OTUD7A: variants seen among roughly 807,000 people sequenced by gnomAD.
OTUD7A encodes OTU deubiquitinase 7A.
A neutral mutation model predicts 65.7 loss-of-function variants in OTUD7A; 12 were observed. The observed-to-expected ratio is 0.18, with a 90% CI of 0.12 to 0.30. OTUD7A has a LOEUF of 0.30. OTUD7A is among the 10% of genes least tolerant of loss of function. OTUD7A has a pLI of 1.00. For missense variants in OTUD7A, 1,148 were observed against 1,304.8 expected (o/e 0.88, Z 1.85); for synonymous variants, 641 against 586.3 (o/e 1.09, Z -1.35).
At chr15:31,685,732 G>A (rs546002542) in intron 1 of OTUD7A, among the ~76,000 whole-genome samples, 42 of 152,362 alleles carry the variant, frequency 2.8e-4, no homozygotes, top group African/African-American at 9.9e-4. Context: ...TTACTGATGA[G>A]TTAAATAAAG....
chr15:31,570,486 C>T (rs1023146520), intron 3 of OTUD7A, among the ~76,000 whole-genome samples: 128 of 147,084 alleles, frequency 8.7e-4, no homozygotes, highest in African/African-American at 3.2e-3. Context: ...CACACACACA[C>T]ATCTAAACAC....
intron 1 of OTUD7A, among the ~76,000 whole-genome samples, chr15:31,677,940 C>G (rs1420408380): frequency 3.3e-5 from 5 of 152,204 alleles, no homozygotes; most frequent in Non-Finnish European, 5.9e-5. Context: ...CCTAGACTTG[C>G]TGAGTGGCTT....
intron 10 of OTUD7A, among the ~76,000 whole-genome samples, chr15:31,496,768 C>T (rs2041390655): frequency 6.6e-6 from 1 of 152,168 alleles, no homozygotes; most frequent in East Asian, 1.9e-4. Context: ...ACATCAAATA[C>T]AGATGGAAGG....
At chr15:31,754,083 A>G (rs1055983051) in intron 1 of OTUD7A, among the ~76,000 whole-genome samples, 2 of 151,972 alleles carry the variant, frequency 1.3e-5, no homozygotes, top group Non-Finnish European at 2.9e-5. Flanking sequence ...GTGGTATTGC[A>G]TTATGGTTTT....
At chr15:31,774,075 A>G (rs1895307285) in intron 1 of OTUD7A, among the ~76,000 whole-genome samples, 1 of 152,256 alleles carries the variant, frequency 6.6e-6, no homozygotes, top group Non-Finnish European at 1.5e-5. Context: ...CCACACAGCC[A>G]TGCACTATGA....
intron 3 of OTUD7A, among the ~76,000 whole-genome samples, chr15:31,646,093 C>G (rs1891653566): frequency 6.6e-6 from 1 of 152,190 alleles, no homozygotes; most frequent in African/African-American, 2.4e-5. Context: ...AACGACATGA[C>G]TCTGAATCTG....
chr15:31,786,143 CAAG>C (rs1895668359), intron 1 of OTUD7A, among the ~76,000 whole-genome samples: 1 of 152,126 alleles, frequency 6.6e-6, no homozygotes, highest in African/African-American at 2.4e-5. Flanking sequence ...TCCCCACCAG[CAAG>C]AAGGGCCTCA....
At chr15:31,766,389 G>A in intron 1 of OTUD7A, 3 of 1,585,308 alleles carry the variant, frequency 1.9e-6, no homozygotes, top group Non-Finnish European at 2.6e-6. Flanking sequence ...AGCATCGATG[G>A]CAACCCTCTC....
intron 1 of OTUD7A, among the ~76,000 whole-genome samples, chr15:31,829,368 G>A (rs952905020): frequency 5.3e-5 from 8 of 152,200 alleles, no homozygotes; most frequent in Non-Finnish European, 1.0e-4. Context: ...CATCCATGCT[G>A]GTTTTGTTCT....
chr15:31,802,409 A>G (rs1186441647), intron 1 of OTUD7A, among the ~76,000 whole-genome samples: 1 of 152,146 alleles, frequency 6.6e-6, no homozygotes, highest in African/African-American at 2.4e-5. Context: ...GTGCCCACCC[A>G]GATTAAGGGT....
intron 12 of OTUD7A, among the ~76,000 whole-genome samples, chr15:31,486,608 G>A (rs113753231): frequency 5.1e-4 from 4 of 7,798 alleles, no homozygotes; most frequent in Non-Finnish European, 9.2e-4. Context: ...GGGCAGCCCC[G>A]GACCCTCTGG....
At chr15:31,724,059 A>G (rs1439693391) in intron 1 of OTUD7A, among the ~76,000 whole-genome samples, 1 of 148,088 alleles carries the variant, frequency 6.8e-6, no homozygotes, top group Non-Finnish European at 1.5e-5. Flanking sequence ...TCACATGTTT[A>G]TTGGCTATTT....
intron 5 of OTUD7A, among the ~76,000 whole-genome samples, chr15:31,544,849 T>A (rs1888084314): frequency 6.6e-6 from 1 of 151,848 alleles, no homozygotes. Flanking sequence ...AGAATTCAAA[T>A]TTTTTTCAAG....
chr15:31,510,132 T>C (rs2041661841), intron 8 of OTUD7A, among the ~76,000 whole-genome samples: 1 of 151,896 alleles, frequency 6.6e-6, no homozygotes, highest in Non-Finnish European at 1.5e-5. Flanking sequence ...CTTAGTTTTC[T>C]GGGCTGGGTG....
chr15:31,785,853 G>A (rs1186801829), intron 1 of OTUD7A, among the ~76,000 whole-genome samples: 1 of 152,182 alleles, frequency 6.6e-6, no homozygotes, highest in Non-Finnish European at 1.5e-5. Context: ...GAATTAAATA[G>A]TACATGTAAA....
intron 3 of OTUD7A, among the ~76,000 whole-genome samples, chr15:31,618,993 G>A (rs1890686062): frequency 6.6e-6 from 1 of 152,162 alleles, no homozygotes; most frequent in Non-Finnish European, 1.5e-5. Context: ...TTCTACATAT[G>A]GCTAGCCAGT....
At chr15:31,683,856 A>G (rs1007088624) in intron 1 of OTUD7A, among the ~76,000 whole-genome samples, 4 of 152,150 alleles carry the variant, frequency 2.6e-5, no homozygotes, top group Non-Finnish European at 5.9e-5. Flanking sequence ...CTGAATTGAA[A>G]CTGATGACTA....
chr15:31,529,978 G>A (rs1470069599), intron 6 of OTUD7A, among the ~76,000 whole-genome samples: 3 of 152,322 alleles, frequency 2.0e-5, no homozygotes, highest in South Asian at 2.1e-4. Flanking sequence ...TGCATATAAC[G>A]CTGGGCCTAA....
intron 3 of OTUD7A, among the ~76,000 whole-genome samples, chr15:31,623,456 G>A (rs1259196178): frequency 6.6e-6 from 1 of 152,216 alleles, no homozygotes; most frequent in Admixed American, 6.5e-5. Context: ...ACTCAAGCCT[G>A]AGCAATGGCG....
Sources: gnomAD v4.1 joint callset for allele counts (sites outside exome capture counted in the v4.1 genomes callset) on GRCh38, gnomAD v4.1.1 for gene constraint, MANE v1.5 for transcripts, NCBI Gene and HGNC (gene_info 2026-07-23, HGNC 2026-07-21) for gene names.